IMMP2L: variants seen among roughly 807,000 people sequenced by gnomAD.
IMMP2L encodes the protein mitochondrial inner membrane protease subunit 2.
In IMMP2L, 18 loss-of-function variants were observed where a neutral mutation model predicts 19.3. The observed-to-expected ratio is 0.93, with a 90% CI of 0.64 to 1.38. IMMP2L has a LOEUF of 1.38. IMMP2L is among the 40% of genes most tolerant of loss of function. IMMP2L has a pLI of 0.00. For missense variants in IMMP2L, 233 were observed against 218.2 expected, an observed-to-expected ratio of 1.07 and a Z score of -0.43; for synonymous variants, 76 against 73.0, an observed-to-expected ratio of 1.04 and a Z score of -0.21.
chr7:111,350,168 A>C (rs1828006887), intron 3 of IMMP2L, among the ~76,000 whole-genome samples: 1 of 151,750 alleles, frequency 6.6e-6, no homozygotes, highest in Non-Finnish European at 1.5e-5. Flanking sequence ...GGGTTTCACC[A>C]TGTTGGCCAG....
chr7:111,124,532 C>T, intron 3 of IMMP2L: 1 of 1,612,944 alleles, frequency 6.2e-7, no homozygotes, highest in Non-Finnish European at 8.5e-7. Context: ...AATCCATCAA[C>T]TGAGTATAAA....
At chr7:110,829,806 G>T (rs571153812) in intron 5 of IMMP2L, among the ~76,000 whole-genome samples, 3 of 152,048 alleles carry the variant, frequency 2.0e-5, no homozygotes, top group Admixed American at 6.6e-5. Flanking sequence ...ATCTTTGAAG[G>T]CTCCTGGAGG....
chr7:111,184,112 T>G (rs1187484180), intron 3 of IMMP2L, among the ~76,000 whole-genome samples: 1 of 152,046 alleles, frequency 6.6e-6, no homozygotes, highest in African/African-American at 2.4e-5. Context: ...AATATAATTT[T>G]TTCATACTAT....
intron 5 of IMMP2L, among the ~76,000 whole-genome samples, chr7:110,860,991 T>A (rs532909057): frequency 0.012 from 1,770 of 151,196 alleles, 16 homozygotes; most frequent in Non-Finnish European, 0.019. Context: ...ATTTACTGAT[T>A]AAAAAAATTA....
intron 3 of IMMP2L, among the ~76,000 whole-genome samples, chr7:111,090,499 T>A (rs1796745578): frequency 6.6e-6 from 1 of 151,338 alleles, no homozygotes; most frequent in African/African-American, 2.4e-5. Flanking sequence ...TAATTAGAAA[T>A]ACATATTTTT....
intron 1 of IMMP2L, among the ~76,000 whole-genome samples, chr7:111,523,438 C>T (rs1009583104): frequency 3.9e-5 from 6 of 151,906 alleles, no homozygotes; most frequent in African/African-American, 1.5e-4. Flanking sequence ...AATAAAAATA[C>T]TCAACCACTA....
chr7:111,451,196 C>G (rs1184479534), intron 3 of IMMP2L, among the ~76,000 whole-genome samples: 1 of 142,854 alleles, frequency 7.0e-6, no homozygotes, highest in Non-Finnish European at 1.5e-5. Context: ...TTGACCCAGC[C>G]ATCCCATTAC....
chr7:111,345,335 T>G (rs1827431035), intron 3 of IMMP2L, among the ~76,000 whole-genome samples: 1 of 152,124 alleles, frequency 6.6e-6, no homozygotes. Flanking sequence ...CTTGGTCACC[T>G]GAGGCACAAT....
chr7:110,774,214 T>C (rs1017442655), intron 5 of IMMP2L, among the ~76,000 whole-genome samples: 1 of 152,076 alleles, frequency 6.6e-6, no homozygotes, highest in African/African-American at 2.4e-5. Flanking sequence ...CTGGTAAACC[T>C]TCAGTTACCT....
At chr7:111,357,649 T>C (rs1046304539) in intron 3 of IMMP2L, among the ~76,000 whole-genome samples, 2 of 152,194 alleles carry the variant, frequency 1.3e-5, no homozygotes, top group African/African-American at 2.4e-5. Flanking sequence ...TCATGAGCTC[T>C]AGTTATTATG....
At position 110,902,016 on chromosome 7, in the gene IMMP2L, T is replaced by G. The variant is rs17158128; in HGVS notation, c.306-15321A>C. ...AGATAAACATTATTGAAAGACACAG[T>G]ATTTGGATTTGCCACAAGTTATGGT... On this transcript the variant is annotated intron_variant, in intron 4 of 5. Coordinates refer to ENST00000405709, the MANE Select transcript of IMMP2L (RefSeq NM_032549.4). Among the ~76,000 whole-genome samples the G allele has an allele frequency of 2.9e-3, 447 of 152,188 alleles. 2 individuals are homozygous for G. The highest frequency in any genetic ancestry group is 0.01 in the African/African-American group (420 of 41,558).
chr7:110,990,764 G>A (rs1452461962), intron 3 of IMMP2L, among the ~76,000 whole-genome samples: 2 of 151,980 alleles, frequency 1.3e-5, no homozygotes, highest in Non-Finnish European at 2.9e-5. Context: ...CACAAACCTG[G>A]GAACACCATT....
intron 3 of IMMP2L, among the ~76,000 whole-genome samples, chr7:111,050,231 T>C (rs1051320572): frequency 5.3e-5 from 8 of 152,234 alleles, no homozygotes; most frequent in Non-Finnish European, 1.2e-4. Context: ...TAGAAATTGA[T>C]GTCCACTGGG....
intron 3 of IMMP2L, among the ~76,000 whole-genome samples, chr7:111,281,184 A>G (rs868268616): frequency 6.1e-5 from 4 of 66,092 alleles, no homozygotes; most frequent in African/African-American, 2.6e-4. Flanking sequence ...GAAAGAAAGA[A>G]AGAAAGAAAG....
intron 5 of IMMP2L, among the ~76,000 whole-genome samples, chr7:110,840,843 C>T (rs976745390): frequency 1.3e-5 from 2 of 151,922 alleles, no homozygotes; most frequent in African/African-American, 2.4e-5. Context: ...TACAAACTCT[C>T]AAGTACAAAA....
At chr7:111,223,860 C>A (rs1014291978) in intron 3 of IMMP2L, among the ~76,000 whole-genome samples, 7 of 152,108 alleles carry the variant, frequency 4.6e-5, no homozygotes. Context: ...TGTGTAGCTT[C>A]CATTTCTTCA....
chr7:111,343,965 C>G (rs953558669), intron 3 of IMMP2L, among the ~76,000 whole-genome samples: 1 of 152,048 alleles, frequency 6.6e-6, no homozygotes, highest in Non-Finnish European at 1.5e-5. Context: ...TCCCATACAA[C>G]CCAAAAAGTC....
chr7:110,946,984 T>C (rs1394697132), intron 4 of IMMP2L, among the ~76,000 whole-genome samples: 1 of 152,138 alleles, frequency 6.6e-6, no homozygotes. Flanking sequence ...CCTCCCAAAG[T>C]GCTGGGATTA....
At chr7:111,205,607 T>C (rs1586822570) in intron 3 of IMMP2L, among the ~76,000 whole-genome samples, 1 of 151,976 alleles carries the variant, frequency 6.6e-6, no homozygotes, top group South Asian at 2.1e-4. Context: ...ATTAAATTTG[T>C]AAACTATCCA....
Sources: gnomAD v4.1 joint callset for allele counts (sites outside exome capture counted in the v4.1 genomes callset) on GRCh38, gnomAD v4.1.1 for gene constraint, MANE v1.5 for transcripts, NCBI Gene and HGNC (gene_info 2026-07-23, HGNC 2026-07-21) for gene names.